Variants in NYAP2 observed in about 807,000 individuals in gnomAD.
The protein encoded by NYAP2 is neuronal tyrosine-phosphorylated phosphoinositide-3-kinase adaptor 2.
NYAP2 carries 23 observed loss-of-function variants against 50.4 expected under a neutral mutation model. The ratio of observed to expected loss-of-function variants is 0.46; its 90% CI spans 0.33 to 0.65. NYAP2 has a LOEUF of 0.65. Among genes scored for constraint, NYAP2 ranks in the 30% least tolerant of loss-of-function variants. The probability of loss-of-function intolerance (pLI) is 0.02; values close to 1 mark genes in which losing one functional copy is unlikely to be tolerated. For missense variants in NYAP2, 885 were observed against 861.0 expected, an observed-to-expected ratio of 1.03 and a Z score of -0.35; for synonymous variants, 394 against 365.2, an observed-to-expected ratio of 1.08 and a Z score of -0.90.
intron 3 of NYAP2, among the ~76,000 whole-genome samples, chr2:225,415,926 A>T (rs1360195293): frequency 6.6e-6 from 1 of 152,074 alleles, no homozygotes; most frequent in Non-Finnish European, 1.5e-5. Context: ...AATTAAACTC[A>T]AATCTGCAGC....
chr2:225,406,718 A>T (rs1458949436), intron 2 of NYAP2, among the ~76,000 whole-genome samples: 3 of 151,914 alleles, frequency 2.0e-5, no homozygotes, highest in Non-Finnish European at 2.9e-5. Context: ...TTTTGTTTTT[A>T]AAAAATGCAT....
chr2:225,679,789 G>A, the NYAP2 span, among the ~76,000 whole-genome samples: 39 of 151,836 alleles, frequency 2.6e-4, no homozygotes, highest in Non-Finnish European at 5.3e-4. Flanking sequence ...CACTGTGCCC[G>A]GCCTGATTTA....
At chr2:225,587,437 A>G (rs1160668307) in intron 5 of NYAP2, among the ~76,000 whole-genome samples, 2 of 152,160 alleles carry the variant, frequency 1.3e-5, no homozygotes, top group Admixed American at 1.3e-4. Context: ...AAAGACATGC[A>G]CGCCCGGGGC....
At chr2:225,604,899 C>T (rs553808539) in intron 5 of NYAP2, among the ~76,000 whole-genome samples, 1 of 152,156 alleles carries the variant, frequency 6.6e-6, no homozygotes, top group East Asian at 1.9e-4. Flanking sequence ...ACTCTTTCTG[C>T]CTTACTTTTT....
downstream of NYAP2, among the ~76,000 whole-genome samples, chr2:225,658,821 A>T (rs1371318741): frequency 6.6e-6 from 1 of 152,244 alleles, no homozygotes; most frequent in African/African-American, 2.4e-5. Context: ...CTACTTTAAT[A>T]CAAAGAATTC....
chr2:225,697,347 T>C, the NYAP2 span, among the ~76,000 whole-genome samples: 8 of 152,154 alleles, frequency 5.3e-5, no homozygotes, highest in African/African-American at 1.9e-4. Flanking sequence ...ATTAGAATCC[T>C]TGTCAGTCTG....
intron 6 of NYAP2, among the ~76,000 whole-genome samples, chr2:225,630,659 G>T (rs891498548): frequency 2.0e-5 from 3 of 152,236 alleles, no homozygotes; most frequent in Admixed American, 6.5e-5. Flanking sequence ...ATAAGCAGTA[G>T]ATGGTGTCTG....
At chr2:225,412,058 G>T (rs1268925823) in intron 3 of NYAP2, among the ~76,000 whole-genome samples, 1 of 149,704 alleles carries the variant, frequency 6.7e-6, no homozygotes, top group Non-Finnish European at 1.5e-5. Flanking sequence ...TGCCTCCCAG[G>T]TTCAAGCGAT....
At chr2:225,471,646 G>A (rs951776151) in intron 3 of NYAP2, among the ~76,000 whole-genome samples, 10 of 152,194 alleles carry the variant, frequency 6.6e-5, no homozygotes, top group Admixed American at 1.3e-4. Context: ...TTACTAAGTC[G>A]CTGGTCTTAG....
chr2:225,398,024 T>C (rs1694800730), upstream of NYAP2, among the ~76,000 whole-genome samples: 1 of 152,220 alleles, frequency 6.6e-6, no homozygotes, highest in African/African-American at 2.4e-5. Context: ...ATATGCTTTC[T>C]CTATTCTTCT....
intron 3 of NYAP2, among the ~76,000 whole-genome samples, chr2:225,429,443 A>G (rs1321090497): frequency 6.6e-6 from 1 of 152,216 alleles, no homozygotes; most frequent in African/African-American, 2.4e-5. Flanking sequence ...AAAGTTCAGT[A>G]TACCTGGAAT....
intron 6 of NYAP2, among the ~76,000 whole-genome samples, chr2:225,637,555 T>C (rs1693442881): frequency 6.6e-6 from 1 of 152,152 alleles, no homozygotes; most frequent in African/African-American, 2.4e-5. Context: ...TGCTGCCTGG[T>C]TCTGTTCACC....
At chr2:225,612,741 G>GCC (rs34376743) in intron 5 of NYAP2, among the ~76,000 whole-genome samples, 177 of 84,334 alleles carry the variant, frequency 2.1e-3, no homozygotes, top group East Asian at 2.9e-3. Context: ...CGTCATGGAG[G>GCC]CCCCCCCCTT....
the NYAP2 span, among the ~76,000 whole-genome samples, chr2:225,673,621 T>C: frequency 6.6e-6 from 1 of 152,180 alleles, no homozygotes; most frequent in South Asian, 2.1e-4. Flanking sequence ...TAGGCAGTGA[T>C]GGGTGATATG....
Position 225,582,515 on chromosome 2 carries a change from G to A in NYAP2, c.1098G>A (p.Leu366=), listed in dbSNP as rs1174044160. Residue 366 remains leucine, a synonymous_variant, in exon 5 of 7, where the codon CTG becomes CTA. Transcript: ENST00000636099. This position sits in a 1 kb window ranked among gnomAD's most constrained non-coding sequence, Gnocchi z 7.0. ...TGGAGGTCACGAAGCTTCCCGTGCT[G>A]GAAAACGTGTCTTACATGAAACAGC... 1 of 1,558,012 alleles carries A rather than the reference G, an allele frequency of 6.4e-7. No homozygotes were observed. The highest frequency in any genetic ancestry group is 2.3e-5 in the East Asian group (1 of 43,984).
chr2:225,447,348 A>G (rs1056037501), intron 3 of NYAP2, among the ~76,000 whole-genome samples: 2 of 152,256 alleles, frequency 1.3e-5, no homozygotes, highest in Admixed American at 6.5e-5. Flanking sequence ...TTTCTACTGT[A>G]ATTTTCACTA....
intron 5 of NYAP2, among the ~76,000 whole-genome samples, chr2:225,613,856 T>G (rs2106249202): frequency 6.6e-6 from 1 of 152,326 alleles, no homozygotes; most frequent in South Asian, 2.1e-4. Context: ...AGAATTAAAT[T>G]AAACTATATG....
intron 4 of NYAP2, among the ~76,000 whole-genome samples, chr2:225,579,170 C>T (rs776197323): frequency 2.6e-5 from 4 of 151,876 alleles, no homozygotes; most frequent in Non-Finnish European, 5.9e-5. Context: ...GTCCTACCCT[C>T]ATGACCTCAT....
chr2:225,679,381 T>A, the NYAP2 span, among the ~76,000 whole-genome samples: 23 of 152,228 alleles, frequency 1.5e-4, no homozygotes, highest in African/African-American at 5.5e-4. Flanking sequence ...CACATGATAG[T>A]TATATTTAAT....
Sources: gnomAD v4.1 joint callset for allele counts (sites outside exome capture counted in the v4.1 genomes callset) on GRCh38, gnomAD v4.1.1 for gene constraint, Gnocchi (gnomAD v3.1) non-coding constraint, MANE v1.5 for transcripts, NCBI Gene and HGNC (gene_info 2026-07-23, HGNC 2026-07-21) for gene names.